The following VWA2 variants were observed in gnomAD, a reference collection of about 807,000 sequenced individuals.
VWA2 encodes the protein von Willebrand factor A domain-containing protein 2.
In VWA2, 73 loss-of-function variants were observed where a neutral mutation model predicts 70.4. The ratio of observed to expected loss-of-function variants is 1.04; its 90% CI spans 0.86 to 1.26. The LOEUF is 1.26. Ranked by LOEUF, VWA2 falls within the 50% of genes most tolerant of loss-of-function variation. The pLI is 0.00. For missense variants in VWA2, 1,011 were observed against 998.5 expected (o/e 1.01, Z -0.17); for synonymous variants, 407 against 423.3 (o/e 0.96, Z 0.47).
At chr10:114,290,056 T>G (rs1378436527) in intron 12 of VWA2, 184 bp from the exon 13 acceptor site, 1 of 642,958 alleles carries the variant, frequency 1.6e-6, no homozygotes, top group Admixed American at 3.0e-5. Context: ...TCTCCATGAG[T>G]CTGTAGGAGA....
At chr10:114,276,228 C>T (rs911391165) in intron 6 of VWA2, among the ~76,000 whole-genome samples, 3 of 152,188 alleles carry the variant, frequency 2.0e-5, no homozygotes, top group Admixed American at 1.3e-4. Flanking sequence ...ACCCACCCCT[C>T]CCCACTCCCA....
In VWA2 at chr10:114,254,947, T is replaced by C; in HGVS notation, c.160T>C (p.Phe54Leu). ...GTGCTCGGCTGCAGTGGACATCATGTTTCTGTTAGATGGGTCTAACAGCGT... is the reference window on the plus strand; with the variant it reads ...GTGCTCGGCTGCAGTGGACATCATGCTTCTGTTAGATGGGTCTAACAGCGT... ...MWCSAAVDIM[F>L]LLDGSNSVGK... is the part of the protein sequence containing the mutation. The change falls in exon 4 of 14, where the codon TTT becomes CTT. Residue 54 changes from phenylalanine (F) to leucine (L), a missense_variant. Physicochemically the swap from Phe to Leu is conservative, Grantham distance 22. Transcript: ENST00000392982. 2 of 1,613,474 alleles carry C rather than the reference T, an allele frequency of 1.2e-6. No individual in the cohort carries two copies. Among genetic ancestry groups the C allele is most frequent in the Non-Finnish European group, 1.7e-6 (2 of 1,179,944 alleles).
At chr10:114,283,549 G>A (rs1048150846) in intron 9 of VWA2, among the ~76,000 whole-genome samples, 2 of 152,206 alleles carry the variant, frequency 1.3e-5, no homozygotes, top group African/African-American at 4.8e-5. Flanking sequence ...AGGACTTCCG[G>A]TTTGGAAACT....
intron 1 of VWA2, among the ~76,000 whole-genome samples, chr10:114,243,777 T>C (rs1245261200): frequency 6.6e-6 from 1 of 152,240 alleles, no homozygotes; most frequent in Admixed American, 6.5e-5. Context: ...TATTTCTTCC[T>C]GTGTCACGGA....
intron 2 of VWA2, among the ~76,000 whole-genome samples, chr10:114,251,021 C>T (rs2037184698): frequency 6.6e-6 from 1 of 152,220 alleles, no homozygotes; most frequent in African/African-American, 2.4e-5. Flanking sequence ...CCAGTTCTCC[C>T]TACTCCTGGG....
At position 114,263,327 on chromosome 10, in the gene VWA2, C is replaced by CTTT. The variant is rs1564720569; in HGVS notation, c.371+2032_371+2033insTTT. Among the ~76,000 whole-genome samples the CTTT allele has an allele frequency of 5.3e-4, 64 of 121,776 alleles. 1 individual carries two copies. The highest frequency in any genetic ancestry group is 2.0e-3 in the African/African-American group (63 of 30,962). 79.9% of individuals were successfully genotyped at this position (121,776 alleles called of 152,430 possible). A position where few individuals can be genotyped will look rare whatever the true frequency, so the allele number is the denominator to read the frequency against. ...ACTGTGCCCAGCCAGGAATCTCCCC[C>CTTT]ATTTTTTTTTTTTTTTTTTTTTTTT... On this transcript the variant is annotated intron_variant, in intron 5 of 13. Transcript: ENST00000392982.
At position 114,278,084 on chromosome 10, in the gene VWA2, T is replaced by A. The variant is rs532661575; in HGVS notation, c.700+37T>A. On this transcript the variant is annotated intron_variant, in intron 7 of 13. Coordinates refer to ENST00000392982, the MANE Select transcript of VWA2 (RefSeq NM_001272046.2). ...CAGCCTGGAGGGAGTGGAAGTGCCA[T>A]GTGGGGTCGGGGAGGGCTCCCTGAG... 5.0e-6 allele frequency: 8 copies of A among 1,591,284 alleles called. No individual in the cohort carries two copies. In the African/African-American group the frequency reaches 1.1e-4, roughly 21 times the overall value.
At chr10:114,248,246 TAGA>T (rs1247522314) in intron 1 of VWA2, among the ~76,000 whole-genome samples, 1 of 152,196 alleles carries the variant, frequency 6.6e-6, no homozygotes, top group African/African-American at 2.4e-5. Context: ...TTAACCACAT[TAGA>T]AGGTTTCAGA....
At position 114,277,956 on chromosome 10, in the gene VWA2, G is replaced by A. The variant is rs751219106; in HGVS notation, c.609G>A (p.Gln203=). The A allele has an allele frequency of 2.5e-6, 4 of 1,612,502 alleles. No individual in the cohort carries two copies. The South Asian group carries it at 4.4e-5, about 18-fold the overall frequency. ...LHALASEPRG[Q]HVLLAEQVED... is the part of the protein sequence containing the mutation. ...CACTGGCCAGCGAGCCTAGAGGGCA[G>A]CACGTGCTGTTGGCTGAGCAGGTGG... The change falls in exon 7 of 14, where the codon CAG becomes CAA. Residue 203 remains glutamine, a synonymous_variant. Coordinates refer to ENST00000392982, the MANE Select transcript of VWA2 (RefSeq NM_001272046.2).
Position 114,248,719 on chromosome 10 carries a change from C to T in VWA2, c.6C>T (p.Pro2=). The T allele has an allele frequency of 3.7e-6, 6 of 1,613,522 alleles. No homozygotes were observed. The highest frequency in any genetic ancestry group is 5.1e-6 in the Non-Finnish European group (6 of 1,179,520). ...GTCCCTGTAGTTATATCAACATGCC[C>T]CCTTTCCTGTTGCTGGAAGCCGTCT... M[P]PFLLLEAVCV... The change falls in exon 2 of 14, where the codon CCC becomes CCT. Residue 2 remains proline (P), a synonymous_variant. Coordinates refer to ENST00000392982, the MANE Select transcript of VWA2 (RefSeq NM_001272046.2).
chr10:114,266,515 C>T (rs978557301), intron 5 of VWA2, among the ~76,000 whole-genome samples: 1 of 152,048 alleles, frequency 6.6e-6, no homozygotes, highest in Non-Finnish European at 1.5e-5. Flanking sequence ...AGGCAGTCCC[C>T]CAAAAGTATG....
intron 4 of VWA2, among the ~76,000 whole-genome samples, chr10:114,257,312 A>G (rs1283583668): frequency 6.6e-6 from 1 of 152,214 alleles, no homozygotes; most frequent in African/African-American, 2.4e-5. Flanking sequence ...TGCTTTTAAA[A>G]GGGTTCCTTA....
At chr10:114,255,972 G>A (rs2037318365) in intron 4 of VWA2, among the ~76,000 whole-genome samples, 1 of 152,112 alleles carries the variant, frequency 6.6e-6, no homozygotes, top group Non-Finnish European at 1.5e-5. Flanking sequence ...TGCTTCATTG[G>A]CAAATCTTGA....
chr10:114,241,266 T>C (rs1398484664), intron 1 of VWA2, among the ~76,000 whole-genome samples: 1 of 152,220 alleles, frequency 6.6e-6, no homozygotes, highest in Non-Finnish European at 1.5e-5. Flanking sequence ...TTTGCTCCTG[T>C]TGTACATTCT....
In VWA2 at chr10:114,292,321, T is replaced by G. The variant is rs886195626; in HGVS notation, c.*1084T>G. Reference sequence around the variant, plus strand: ...TTAGGAGGGGTTAATTGTGGCGTGTTTATGGAATTCTTTCCTTATTCTCCT... The same window carrying G: ...TTAGGAGGGGTTAATTGTGGCGTGTGTATGGAATTCTTTCCTTATTCTCCT... On this transcript the variant is annotated 3_prime_UTR_variant, in exon 14 of 14. Coordinates refer to ENST00000392982, the MANE Select transcript of VWA2 (RefSeq NM_001272046.2). 2.6e-5 allele frequency among the ~76,000 whole-genome samples: 4 copies of G among 151,972 alleles called. No homozygotes were observed. Among genetic ancestry groups the G allele is most frequent in the Non-Finnish European group, 5.9e-5 (4 of 68,004 alleles).
At chr10:114,246,467 T>A in intron 1 of VWA2, 1 of 648,428 alleles carries the variant, frequency 1.5e-6, no homozygotes. Flanking sequence ...TGCCATTGCA[T>A]TCCAGCCTGG....
At chr10:114,270,548 GGT>G (rs951751535) in intron 5 of VWA2, among the ~76,000 whole-genome samples, 1 of 152,088 alleles carries the variant, frequency 6.6e-6, no homozygotes, top group Admixed American at 6.6e-5. Context: ...TTCAGTAACA[GGT>G]GTGTGTGTGT....
At chr10:114,250,460 G>T (rs1254667293) in intron 2 of VWA2, among the ~76,000 whole-genome samples, 1 of 152,204 alleles carries the variant, frequency 6.6e-6, no homozygotes, top group African/African-American at 2.4e-5. Context: ...CGGCCAAGCT[G>T]TCACAGCCTC....
chr10:114,246,505 C>CAAAAAAAA (rs570510812), intron 1 of VWA2: 36 of 384,966 alleles, frequency 9.4e-5, no homozygotes, highest in African/African-American at 6.0e-4. Context: ...AACTCCATCT[C>CAAAAAAAA]AAAAAAAAAA....
Sources: allele counts gnomAD v4.1 joint callset (sites outside exome capture counted in the v4.1 genomes callset), GRCh38; gene constraint gnomAD v4.1.1; transcripts MANE v1.5; gene names NCBI Gene and HGNC (gene_info 2026-07-23, HGNC 2026-07-21).